The following NAV2 variants were observed in gnomAD, a reference collection of about 807,000 sequenced individuals.
The protein encoded by NAV2 is helicase, APC down-regulated 1.
A neutral mutation model predicts 223.2 loss-of-function variants in NAV2; 54 were observed. That is an observed-to-expected ratio of 0.24 (90% CI 0.19 to 0.30). The LOEUF is 0.30. NAV2 is among the 10% of genes least tolerant of loss of function. The pLI is 1.00. For synonymous variants in NAV2, 1,279 were observed against 1,239.3 expected (o/e 1.03, Z -0.67); for missense variants, 2,806 against 3,147.5 (o/e 0.89, Z 2.60).
chr11:19,958,411 G>C (rs1213341895), intron 10 of NAV2, among the ~76,000 whole-genome samples: 5 of 152,114 alleles, frequency 3.3e-5, no homozygotes, highest in Non-Finnish European at 5.9e-5. Flanking sequence ...GTCAGCATAA[G>C]AGTGGTGAGT....
intron 3 of NAV2, among the ~76,000 whole-genome samples, chr11:19,852,835 T>A (rs2061223015): frequency 6.6e-6 from 1 of 152,184 alleles, no homozygotes; most frequent in African/African-American, 2.4e-5. Flanking sequence ...CAATAAGTGG[T>A]CCAACAATCC....
chr11:20,057,125 T>C (rs1028635891), intron 19 of NAV2, among the ~76,000 whole-genome samples: 1 of 152,118 alleles, frequency 6.6e-6, no homozygotes, highest in African/African-American at 2.4e-5. Flanking sequence ...GGGTGAGTTA[T>C]AGGTGCTTCC....
At chr11:19,696,969 CTGAGG>C (rs2049360973) in intron 1 of NAV2, among the ~76,000 whole-genome samples, 2 of 152,290 alleles carry the variant, frequency 1.3e-5, no homozygotes, top group African/African-American at 4.8e-5. Context: ...GACAAGAAAA[CTGAGG>C]CATAGATTGG....
chr11:19,381,136 C>T (rs539392206), intron 1 of NAV2, among the ~76,000 whole-genome samples: 1 of 152,262 alleles, frequency 6.6e-6, no homozygotes, highest in East Asian at 1.9e-4. Context: ...TTCAGCCAGG[C>T]ATCACCTCAT....
chr11:19,682,476 C>A (rs1396294644), intron 1 of NAV2, among the ~76,000 whole-genome samples: 2 of 152,204 alleles, frequency 1.3e-5, no homozygotes, highest in Non-Finnish European at 2.9e-5. Flanking sequence ...GCCCCATTAA[C>A]CTCTGCGAGG....
At position 20,045,545 on chromosome 11, in the gene NAV2, C is replaced by G; in HGVS notation, c.3777C>G (p.Asn1259Lys). Residue 1259 changes from asparagine to lysine, a missense_variant, in exon 14 of 38, where the codon AAC becomes AAG. Physicochemically the swap from Asn to Lys is moderately conservative, Grantham distance 94 (BLOSUM62 0). Transcript: ENST00000349880. ...AGGAGAAAGGCATCTCATCAGACAACGAGAGTGTGGCTTCCTGTAACTCGG... is the reference window on the plus strand; with the variant it reads ...AGGAGAAAGGCATCTCATCAGACAAGGAGAGTGTGGCTTCCTGTAACTCGG... ...TDKEKGISSD[N>K]ESVASCNSVK... The G allele has an allele frequency of 6.2e-7, 1 of 1,614,152 alleles. No individual in the cohort carries two copies. The highest frequency in any genetic ancestry group is 8.5e-7 in the Non-Finnish European group (1 of 1,180,020).
intron 11 of NAV2, among the ~76,000 whole-genome samples, chr11:20,030,056 G>A (rs181936032): frequency 5.9e-5 from 9 of 152,302 alleles, no homozygotes; most frequent in Admixed American, 4.6e-4. Context: ...AGGGAAACCA[G>A]CCAAGCTCTG....
chr11:19,556,003 C>T (rs1422661612), intron 1 of NAV2, among the ~76,000 whole-genome samples: 3 of 152,258 alleles, frequency 2.0e-5, no homozygotes, highest in East Asian at 3.9e-4. Flanking sequence ...TCTTTCTCCT[C>T]CTCAGCCTCC....
chr11:19,454,447 T>C (rs894796342), intron 1 of NAV2, among the ~76,000 whole-genome samples: 2 of 152,162 alleles, frequency 1.3e-5, no homozygotes, highest in East Asian at 1.9e-4. Flanking sequence ...ACCCTGAGCA[T>C]TGGAGGTTAA....
intron 4 of NAV2, 63 bp downstream of exon 4, chr11:19,869,060 A>C: frequency 2.8e-6 from 4 of 1,447,150 alleles, no homozygotes; most frequent in Non-Finnish European, 3.9e-6. Flanking sequence ...CCTGTTACTT[A>C]TGAATGATAT....
At chr11:19,620,299 A>G (rs558920651) in intron 1 of NAV2, among the ~76,000 whole-genome samples, 2 of 152,278 alleles carry the variant, frequency 1.3e-5, no homozygotes, top group East Asian at 3.9e-4. Context: ...CTGTGAAAAA[A>G]GTCATTGGTA....
intron 19 of NAV2, among the ~76,000 whole-genome samples, chr11:20,057,718 C>T (rs895674725): frequency 7.2e-5 from 11 of 152,222 alleles, no homozygotes; most frequent in Admixed American, 5.2e-4. Flanking sequence ...GAGTGAACCA[C>T]GTCCAGTACT....
chr11:19,878,745 G>A lies in NAV2; in HGVS notation c.512-1124G>A, dbSNP rs369613234. ...TGGCAGGGCGCACTTCCTCCTCTGC[G>A]TGGAAAGGAGCTTGCTTCTGAAAGG... is the stretch of plus-strand genomic sequence containing the variant. On this transcript the variant is annotated intron_variant, in intron 4 of 37. Coordinates refer to ENST00000349880, the MANE Select transcript of NAV2 (RefSeq NM_145117.5). Among the ~76,000 whole-genome samples, 471 of 152,280 alleles carry A rather than the reference G, an allele frequency of 3.1e-3. 3 individuals are homozygous for A. The highest frequency in any genetic ancestry group is 0.01 in the African/African-American group (434 of 41,538).
At chr11:19,385,211 G>T (rs1031697464) in intron 1 of NAV2, among the ~76,000 whole-genome samples, 1 of 152,220 alleles carries the variant, frequency 6.6e-6, no homozygotes, top group South Asian at 2.1e-4. Flanking sequence ...GAGCAAATGG[G>T]ATCTCAGTTC....
At chr11:19,782,012 C>T (rs2056788456) in intron 1 of NAV2, among the ~76,000 whole-genome samples, 1 of 152,176 alleles carries the variant, frequency 6.6e-6, no homozygotes, top group South Asian at 2.1e-4. Flanking sequence ...CCACCTTCAG[C>T]TAGAAAACAA....
chr11:20,056,998 TC>T (rs1564949879), intron 19 of NAV2, among the ~76,000 whole-genome samples: 1 of 152,204 alleles, frequency 6.6e-6, no homozygotes, highest in African/African-American at 2.4e-5. Flanking sequence ...AGCATTGACT[TC>T]CTGGCAGCTC....
At chr11:20,075,653 G>A (rs566452136) in intron 22 of NAV2, among the ~76,000 whole-genome samples, 1 of 152,098 alleles carries the variant, frequency 6.6e-6, no homozygotes, top group South Asian at 2.1e-4. Flanking sequence ...TTCTAGAGAT[G>A]TCTTAGCCTC....
At chr11:20,114,149 C>T (rs2062855097) in intron 36 of NAV2, among the ~76,000 whole-genome samples, 2 of 152,200 alleles carry the variant, frequency 1.3e-5, no homozygotes, top group Admixed American at 1.3e-4. Context: ...CTCTTGAAAG[C>T]TGATAGCACC....
chr11:19,832,328 C>T (rs182905973), intron 1 of NAV2, among the ~76,000 whole-genome samples, 156 bp from the exon 2 acceptor site: 4 of 152,330 alleles, frequency 2.6e-5, no homozygotes, highest in African/African-American at 7.2e-5. Flanking sequence ...TAGCTGAATG[C>T]GTGATCAGCA....
Sources: gnomAD v4.1 joint callset for allele counts (sites outside exome capture counted in the v4.1 genomes callset) on GRCh38, gnomAD v4.1.1 for gene constraint, MANE v1.5 for transcripts, NCBI Gene and HGNC (gene_info 2026-07-23, HGNC 2026-07-21) for gene names.